The following EYS variants were observed in gnomAD, a reference collection of about 807,000 sequenced individuals.
EYS encodes the protein EGF-like photoreceptor maintenance factor, also known as protein eyes shut homolog.
In EYS, 250 loss-of-function variants were observed where a neutral mutation model predicts 282.1. The observed-to-expected ratio is 0.89, with a 90% confidence interval of 0.80 to 0.98. The LOEUF (loss-of-function observed/expected upper bound fraction) is 0.98, where lower values mean the gene tolerates loss of function less well. Among genes scored for constraint, EYS ranks in the 50% least tolerant of loss-of-function variants. The pLI, the probability that EYS is intolerant of heterozygous loss-of-function variation, is 0.00. For missense variants in EYS, 4,016 were observed against 3,709.0 expected, an observed-to-expected ratio of 1.08 and a Z score of -2.15; for synonymous variants, 1,355 against 1,282.9, an observed-to-expected ratio of 1.06 and a Z score of -1.20.
intron 41 of EYS, among the ~76,000 whole-genome samples, chr6:63,748,266 G>A (rs1440527838): frequency 6.6e-6 from 1 of 152,106 alleles, no homozygotes; most frequent in African/African-American, 2.4e-5. Context: ...AAAGTCATCT[G>A]TTGATGGACA....
intron 22 of EYS, among the ~76,000 whole-genome samples, chr6:64,779,808 G>T (rs995449461): frequency 6.6e-6 from 1 of 152,088 alleles, no homozygotes; most frequent in African/African-American, 2.4e-5. Flanking sequence ...AAACATAAGA[G>T]CTATAAATTA....
intron 12 of EYS, among the ~76,000 whole-genome samples, chr6:65,225,539 C>T (rs968869746): frequency 1.3e-5 from 2 of 151,282 alleles, no homozygotes; most frequent in African/African-American, 4.8e-5. Flanking sequence ...CATGGTGAAA[C>T]CCCATCTCTG....
intron 33 of EYS, among the ~76,000 whole-genome samples, chr6:64,049,548 A>G (rs1257796900): frequency 6.6e-6 from 1 of 152,184 alleles, no homozygotes; most frequent in Non-Finnish European, 1.5e-5. Context: ...GAAAAGCATT[A>G]GAAACTAAAG....
At chr6:64,958,642 G>A (rs573973073) in intron 14 of EYS, among the ~76,000 whole-genome samples, 1 of 145,490 alleles carries the variant, frequency 6.9e-6, no homozygotes, top group South Asian at 2.2e-4. Context: ...GGCTGAGGCA[G>A]GAGGATGGTG....
intron 37 of EYS, among the ~76,000 whole-genome samples, chr6:63,799,353 C>A (rs1468556748): frequency 6.6e-6 from 1 of 151,910 alleles, no homozygotes; most frequent in Non-Finnish European, 1.5e-5. Flanking sequence ...AATTTTAATA[C>A]AAACTACAGT....
At chr6:65,043,709 G>T (rs1773010522) in intron 13 of EYS, among the ~76,000 whole-genome samples, 1 of 151,202 alleles carries the variant, frequency 6.6e-6, no homozygotes, top group Non-Finnish European at 1.5e-5. Context: ...AATCAATGTT[G>T]TCACAAAAGT....
intron 1 of EYS, among the ~76,000 whole-genome samples, chr6:65,663,869 T>TTTTA (rs1554221668): frequency 1.6e-5 from 1 of 62,142 alleles, no homozygotes; most frequent in African/African-American, 3.3e-5. Flanking sequence ...TTCTTTTCTT[T>TTTTA]TTTTTTTTTT....
intron 5 of EYS, among the ~76,000 whole-genome samples, chr6:65,418,677 T>C (rs1767335019): frequency 6.6e-6 from 1 of 151,758 alleles, no homozygotes; most frequent in African/African-American, 2.4e-5. Context: ...GAGTTGAACA[T>C]TGAGAACACA....
At chr6:65,343,644 T>C (rs1384371219) in intron 10 of EYS, among the ~76,000 whole-genome samples, 1 of 151,158 alleles carries the variant, frequency 6.6e-6, no homozygotes, top group Non-Finnish European at 1.5e-5. Context: ...AGTAGCTTGC[T>C]CGTGTAAGAG....
intron 22 of EYS, among the ~76,000 whole-genome samples, chr6:64,690,641 T>C (rs1770344451): frequency 6.6e-6 from 1 of 152,184 alleles, no homozygotes; most frequent in South Asian, 2.1e-4. Context: ...CATGGAATAC[T>C]ATGCAGCCAT....
chr6:64,242,532 T>C (rs2150344009), intron 30 of EYS, among the ~76,000 whole-genome samples: 1 of 152,190 alleles, frequency 6.6e-6, no homozygotes, highest in African/African-American at 2.4e-5. Flanking sequence ...TTAGCTCCTG[T>C]CATCCTCTAA....
rs1197856239 is a variant in EYS, at chr6:64,245,031, A to G, written c.6192-14207T>C. On this transcript the variant is annotated intron_variant, in intron 30 of 42. Coordinates refer to ENST00000503581, the MANE Select transcript of EYS (RefSeq NM_001142800.2). ...TGTGATGTTACCCACCCTGTGTCCA[A>G]GTGTTCTCATTGTTCAGTTCCTACC... Among the ~76,000 whole-genome samples, 5 of 131,864 alleles carry G rather than the reference A, an allele frequency of 3.8e-5. No homozygotes were observed. The South Asian group carries it at 9.6e-4, about 25-fold the overall frequency. The allele number at this position is 131,864 out of a possible 152,430, so 86.5% of individuals were successfully genotyped here.
intron 13 of EYS, among the ~76,000 whole-genome samples, chr6:65,055,906 C>T (rs1048985460): frequency 6.6e-6 from 1 of 152,020 alleles, no homozygotes; most frequent in African/African-American, 2.4e-5. Context: ...GCTCTTCCCT[C>T]CATGACCCCC....
At chr6:63,927,437 T>C (rs565822507) in intron 35 of EYS, among the ~76,000 whole-genome samples, 29 of 152,344 alleles carry the variant, frequency 1.9e-4, no homozygotes, top group African/African-American at 6.3e-4. Context: ...CTTTGCCTTA[T>C]GGAAGCCTAA....
intron 35 of EYS, among the ~76,000 whole-genome samples, chr6:63,931,206 T>C (rs1188694165): frequency 1.3e-5 from 2 of 152,224 alleles, no homozygotes; most frequent in Non-Finnish European, 2.9e-5. Flanking sequence ...GGTGGCTTAA[T>C]GAGCCACCCC....
chr6:65,344,122 T>G lies in EYS; in HGVS notation c.1515A>C (p.Ala505=). The part of the protein sequence containing the change: ...GVIDAYFFLA[A]NCTEDATYVN... ...CATAGGTTGCATCTTCAGTGCAGTT[T>G]GCAGCCAGAAAGAAATAGGCATCAA... The change falls in exon 10 of 43, where the codon GCA becomes GCC. Residue 505 remains alanine, a synonymous_variant. Coordinates refer to ENST00000503581, the MANE Select transcript of EYS (RefSeq NM_001142800.2). 1 of 1,610,762 alleles carries G rather than the reference T, an allele frequency of 6.2e-7. No homozygotes were observed. Among genetic ancestry groups the G allele is most frequent in the Non-Finnish European group, 8.5e-7 (1 of 1,177,884 alleles).
intron 26 of EYS, among the ~76,000 whole-genome samples, chr6:64,540,225 G>T (rs190915927): frequency 1.2e-4 from 18 of 152,278 alleles, no homozygotes; most frequent in African/African-American, 4.3e-4. Flanking sequence ...TCCAGCTTCT[G>T]TCTTACATCC....
chr6:63,722,445 A>G (rs957840459), intron 42 of EYS, among the ~76,000 whole-genome samples: 5 of 152,146 alleles, frequency 3.3e-5, no homozygotes, highest in African/African-American at 1.2e-4. Context: ...CCTCCATTAC[A>G]GTATATCTCA....
intron 26 of EYS, among the ~76,000 whole-genome samples, chr6:64,442,907 G>T (rs924613398): frequency 7.3e-6 from 1 of 137,244 alleles, no homozygotes; most frequent in Non-Finnish European, 1.6e-5. Flanking sequence ...GAAGGGAAAT[G>T]TTGGGTGGGA....
Sources: gnomAD v4.1 joint callset for allele counts (sites outside exome capture counted in the v4.1 genomes callset) on GRCh38, gnomAD v4.1.1 for gene constraint, MANE v1.5 for transcripts, NCBI Gene and HGNC (gene_info 2026-07-23, HGNC 2026-07-21) for gene names.